The following PCDHGA7 variants were observed in gnomAD, a reference collection of about 807,000 sequenced individuals.
The protein encoded by PCDHGA7 is protocadherin gamma subfamily A, 7, also known as protocadherin gamma-A7.
Under a neutral mutation model 58.3 loss-of-function variants are expected in PCDHGA7, and 44 were observed. That is an observed-to-expected ratio of 0.75 (90% CI 0.59 to 0.97). The LOEUF (loss-of-function observed/expected upper bound fraction) is 0.97, where lower values mean the gene tolerates loss of function less well. Ranked by LOEUF, PCDHGA7 falls within the 50% of genes least tolerant of loss-of-function variation. The pLI is 0.00. For synonymous variants in PCDHGA7, 516 were observed against 504.2 expected (o/e 1.02, Z -0.31); for missense variants, 1,266 against 1,188.7 (o/e 1.06, Z -0.96).
chr5:141,448,118 G>A (rs1356488538), intron 1 of PCDHGA7, among the ~76,000 whole-genome samples: 1 of 151,534 alleles, frequency 6.6e-6, no homozygotes, highest in East Asian at 1.9e-4. Flanking sequence ...AAGAAAATTA[G>A]CCTCCCCCAC....
chr5:141,491,293 C>T lies in PCDHGA7; in HGVS notation c.2425-3514C>T. On this transcript the variant is annotated intron_variant, in intron 1 of 3. Transcript: ENST00000518325. This position sits in a 1 kb window ranked among gnomAD's most constrained non-coding sequence, Gnocchi z 6.9. Reference sequence around the variant, plus strand: ...ATCCAGTGACTTCCTCATACACCCTCCTGAGCGTTCAGACCTTACCCTTTA... The same window carrying T: ...ATCCAGTGACTTCCTCATACACCCTTCTGAGCGTTCAGACCTTACCCTTTA... 6.2e-7 allele frequency: 1 copy of T among 1,614,166 alleles called. No homozygotes were observed. The highest frequency in any genetic ancestry group is 1.3e-5 in the African/African-American group (1 of 75,058).
At position 141,383,491 on chromosome 5, in the gene PCDHGA7, C is replaced by T. The variant is rs116533786; in HGVS notation, c.592C>T (p.Arg198Trp). The T allele has an allele frequency of 1.9e-6, 3 of 1,613,000 alleles. No individual in the cohort carries two copies. The highest frequency in any genetic ancestry group is 2.5e-6 in the Non-Finnish European group (3 of 1,179,496). Residue 198 changes from arginine to tryptophan, a missense_variant, in exon 1 of 4, where the codon CGG (arginine) becomes TGG (tryptophan). Arg to Trp is a moderately radical substitution (Grantham distance 101, BLOSUM62 -3). Coordinates refer to ENST00000518325, the MANE Select transcript of PCDHGA7 (RefSeq NM_018920.4). ...ETKYPELVLE[R>W]VLDREEERVH... is the part of the protein sequence containing the mutation. Reference sequence around the variant, plus strand: ...TAAGTACCCGGAACTGGTGCTGGAGCGGGTGCTGGACCGGGAGGAAGAGCG... The same window carrying T: ...TAAGTACCCGGAACTGGTGCTGGAGTGGGTGCTGGACCGGGAGGAAGAGCG...
chr5:141,422,150 T>C (rs773805631), intron 1 of PCDHGA7: 23 of 1,577,056 alleles, frequency 1.5e-5, no homozygotes, highest in Non-Finnish European at 1.8e-5. Context: ...CGGGGGTCTC[T>C]GGATTTTGAA....
rs1309124846 is a variant in PCDHGA7, at chr5:141,491,295, T to C, written c.2425-3512T>C. On this transcript the variant is annotated intron_variant, in intron 1 of 3. Coordinates refer to ENST00000518325, the MANE Select transcript of PCDHGA7 (RefSeq NM_018920.4). This position sits in a 1 kb window ranked among gnomAD's most constrained non-coding sequence, Gnocchi z 6.9. ...CCAGTGACTTCCTCATACACCCTCC[T>C]GAGCGTTCAGACCTTACCCTTTACC... The C allele has an allele frequency of 6.2e-7, 1 of 1,614,176 alleles. No homozygotes were observed. Among genetic ancestry groups the C allele is most frequent in the Non-Finnish European group, 8.5e-7 (1 of 1,179,994 alleles).
At chr5:141,387,655 C>T (rs2091029456) in intron 1 of PCDHGA7, 1 of 644,664 alleles carries the variant, frequency 1.6e-6, no homozygotes, top group Admixed American at 3.3e-5. Context: ...AAGTGGAGAG[C>T]TTGGCGCTCC....
intron 1 of PCDHGA7, chr5:141,426,979 A>G (rs762085745): frequency 4.2e-5 from 19 of 456,640 alleles, no homozygotes; most frequent in Non-Finnish European, 7.5e-5. Flanking sequence ...GAGGTCACTG[A>G]TGCCAACGAT....
At chr5:141,462,144 G>A (rs984269848) in intron 1 of PCDHGA7, among the ~76,000 whole-genome samples, 1 of 152,042 alleles carries the variant, frequency 6.6e-6, no homozygotes, top group South Asian at 2.1e-4. Context: ...ATTTTTAGTA[G>A]AGATGGGGTT....
At chr5:141,419,936 G>C in intron 1 of PCDHGA7, 1 of 1,614,074 alleles carries the variant, frequency 6.2e-7, no homozygotes, top group Non-Finnish European at 8.5e-7. Context: ...GTTTTACCTG[G>C]TGGTGGCCTT....
chr5:141,415,119 G>A, intron 1 of PCDHGA7: 1 of 1,613,666 alleles, frequency 6.2e-7, no homozygotes, highest in African/African-American at 1.3e-5. Flanking sequence ...GCCTCGTAGT[G>A]GCCGTCCAGG....
At chr5:141,438,741 A>T (rs1184994731) in intron 1 of PCDHGA7, among the ~76,000 whole-genome samples, 3 of 148,914 alleles carry the variant, frequency 2.0e-5, no homozygotes, top group South Asian at 2.1e-4. Context: ...AGCTCACTGC[A>T]ACCTCTGCCT....
intron 1 of PCDHGA7, chr5:141,421,694 C>G (rs2096592726): frequency 6.2e-7 from 1 of 1,613,936 alleles, no homozygotes. Flanking sequence ...TTTGCTCTTC[C>G]TAATGCTAGG....
chr5:141,500,188 A>T (rs182086759), intron 2 of PCDHGA7, among the ~76,000 whole-genome samples: 173 of 98,190 alleles, frequency 1.8e-3, no homozygotes, highest in African/African-American at 4.0e-3. Flanking sequence ...TTTTATTTTT[A>T]TTTATTTATT....
intron 1 of PCDHGA7, chr5:141,422,319 TAC>T: frequency 6.5e-7 from 1 of 1,548,220 alleles, no homozygotes; most frequent in Admixed American, 2.1e-5. Flanking sequence ...CTCCTCCAGG[TAC>T]AGTGATTGCT....
In PCDHGA7 at chr5:141,476,691, A is replaced by G; in HGVS notation, c.2425-18116A>G. 6.2e-7 allele frequency: 1 copy of G among 1,614,224 alleles called. No individual in the cohort carries two copies. Among genetic ancestry groups the G allele is most frequent in the Non-Finnish European group, 8.5e-7 (1 of 1,180,050 alleles). The stretch of plus-strand genomic sequence containing the variant: ...GTGCAGACGCGGGAGGACAGCACCA[A>G]GTACGCGGAGCTGGTGTTGGAGCGC... On this transcript the variant is annotated intron_variant, in intron 1 of 3. Transcript: ENST00000518325. This position sits in a 1 kb window ranked among gnomAD's most constrained non-coding sequence, Gnocchi z 7.6.
At chr5:141,478,133 G>T (rs769287158) in intron 1 of PCDHGA7, 1 of 1,614,060 alleles carries the variant, frequency 6.2e-7, no homozygotes, top group Non-Finnish European at 8.5e-7. Flanking sequence ...CTCTCCTGAA[G>T]CCCGAGCCGA....
intron 1 of PCDHGA7, chr5:141,440,868 T>G (rs1288344051): frequency 3.9e-5 from 6 of 152,150 alleles, no homozygotes; most frequent in Non-Finnish European, 1.5e-5. Context: ...ATCTAGGATG[T>G]GTACAGCGTC....
intron 1 of PCDHGA7, among the ~76,000 whole-genome samples, chr5:141,465,263 T>C (rs538393085): frequency 1.3e-5 from 2 of 152,326 alleles, no homozygotes; most frequent in African/African-American, 4.8e-5. Flanking sequence ...GCAATGATAC[T>C]AGCCATTTAG....
chr5:141,447,541 A>G (rs2098542324), intron 1 of PCDHGA7, among the ~76,000 whole-genome samples: 1 of 152,218 alleles, frequency 6.6e-6, no homozygotes, highest in Non-Finnish European at 1.5e-5. Flanking sequence ...TTGGGTTTTA[A>G]TGTTATGAGT....
At chr5:141,463,803 A>G (rs975202568) in intron 1 of PCDHGA7, among the ~76,000 whole-genome samples, 1 of 152,150 alleles carries the variant, frequency 6.6e-6, no homozygotes, top group Non-Finnish European at 1.5e-5. Flanking sequence ...AATGTCTAAA[A>G]GCTTTTATCA....
Sources: gnomAD v4.1 joint callset for allele counts (sites outside exome capture counted in the v4.1 genomes callset) on GRCh38, gnomAD v4.1.1 for gene constraint, Gnocchi (gnomAD v3.1) non-coding constraint, MANE v1.5 for transcripts, NCBI Gene and HGNC (gene_info 2026-07-23, HGNC 2026-07-21) for gene names.